Variants in IMMP2L observed in about 807,000 individuals in gnomAD.
The protein encoded by IMMP2L is inner mitochondrial membrane peptidase subunit 2, also known as mitochondrial inner membrane protease subunit 2.
IMMP2L carries 18 observed loss-of-function variants against 19.3 expected under a neutral mutation model. The observed-to-expected ratio is 0.93, with a 90% CI of 0.64 to 1.38. The LOEUF is 1.38. Among genes scored for constraint, IMMP2L ranks in the 40% most tolerant of loss-of-function variants. The pLI, the probability that IMMP2L is intolerant of heterozygous loss-of-function variation, is 0.00. For missense variants in IMMP2L, 233 were observed against 218.2 expected, an observed-to-expected ratio of 1.07 and a Z score of -0.43; for synonymous variants, 76 against 73.0, an observed-to-expected ratio of 1.04 and a Z score of -0.21.
intron 3 of IMMP2L, among the ~76,000 whole-genome samples, chr7:111,453,134 T>C (rs748876070): frequency 6.6e-6 from 1 of 152,190 alleles, no homozygotes; most frequent in Non-Finnish European, 1.5e-5. Flanking sequence ...TAAGTGTCCA[T>C]TGCTACAACT....
intron 5 of IMMP2L, among the ~76,000 whole-genome samples, chr7:110,732,195 G>A (rs1796316221): frequency 1.3e-5 from 2 of 152,100 alleles, no homozygotes; most frequent in South Asian, 4.1e-4. Context: ...GAGCTGAAGA[G>A]GCAACAAGGG....
At chr7:110,752,049 GAA>G (rs1797754743) in intron 5 of IMMP2L, among the ~76,000 whole-genome samples, 1 of 151,862 alleles carries the variant, frequency 6.6e-6, no homozygotes, top group South Asian at 2.1e-4. Context: ...GCACTTTTAG[GAA>G]AAAACCCCTG....
At chr7:110,695,536 T>G (rs956844045) in intron 5 of IMMP2L, among the ~76,000 whole-genome samples, 1 of 152,060 alleles carries the variant, frequency 6.6e-6, no homozygotes, top group Non-Finnish European at 1.5e-5. Context: ...TTATTTGAAT[T>G]TCCCCTCAAT....
At chr7:110,741,392 A>G (rs1444916093) in intron 5 of IMMP2L, among the ~76,000 whole-genome samples, 1 of 152,266 alleles carries the variant, frequency 6.6e-6, no homozygotes, top group Non-Finnish European at 1.5e-5. Context: ...GATTGTAGCA[A>G]GAAGTGGGCC....
At chr7:111,465,576 G>T (rs1840569535) in intron 3 of IMMP2L, among the ~76,000 whole-genome samples, 1 of 149,062 alleles carries the variant, frequency 6.7e-6, no homozygotes, top group Admixed American at 6.7e-5. Context: ...ATGAAAAAAT[G>T]CTCATCATCA....
At chr7:111,082,689 C>G (rs1795983355) in intron 3 of IMMP2L, among the ~76,000 whole-genome samples, 1 of 152,040 alleles carries the variant, frequency 6.6e-6, no homozygotes, top group Admixed American at 6.6e-5. Flanking sequence ...TGGGGAGCAC[C>G]CCCAAAGTCT....
chr7:110,940,804 A>T (rs2129552976), intron 4 of IMMP2L, among the ~76,000 whole-genome samples: 1 of 152,090 alleles, frequency 6.6e-6, no homozygotes, highest in South Asian at 2.1e-4. Context: ...GTGTCATGGG[A>T]AAGAAAAACC....
chr7:111,224,046 T>A (rs1812812773), intron 3 of IMMP2L, among the ~76,000 whole-genome samples: 1 of 152,054 alleles, frequency 6.6e-6, no homozygotes, highest in African/African-American at 2.4e-5. Context: ...ACAGAGCATC[T>A]CAATTCTGTT....
chr7:111,156,561 C>T (rs143799602), intron 3 of IMMP2L, among the ~76,000 whole-genome samples: 187 of 152,112 alleles, frequency 1.2e-3, no homozygotes, highest in Non-Finnish European at 2.1e-3. Context: ...TTTGCTAAGT[C>T]GACATTGACA....
chr7:110,703,844 G>T (rs1350127712), intron 5 of IMMP2L, among the ~76,000 whole-genome samples: 2 of 151,886 alleles, frequency 1.3e-5, no homozygotes, highest in Non-Finnish European at 2.9e-5. Context: ...GCTCTTAAGA[G>T]AATAATTTTT....
At chr7:111,536,601 TC>T (rs1847909361) in intron 1 of IMMP2L, among the ~76,000 whole-genome samples, 1 of 152,086 alleles carries the variant, frequency 6.6e-6, no homozygotes, top group Admixed American at 6.6e-5. Flanking sequence ...GCTACTGTGC[TC>T]CGCCTAAAAT....
rs58497951 is a variant in IMMP2L, at chr7:110,985,764, G to T, written c.240-22199C>A. ...TCAGAAAGTACTTTTTCTCAAAGCCGACAAAGTTGTATTTTATTTGATATC... is the reference window on the plus strand; with the variant it reads ...TCAGAAAGTACTTTTTCTCAAAGCCTACAAAGTTGTATTTTATTTGATATC... On this transcript the variant is annotated intron_variant, in intron 3 of 5. Coordinates refer to ENST00000405709, the MANE Select transcript of IMMP2L (RefSeq NM_032549.4). 7.1e-3 allele frequency among the ~76,000 whole-genome samples: 1,082 copies of T among 151,998 alleles called. 12 individuals are homozygous for T. The highest frequency in any genetic ancestry group is 0.025 in the African/African-American group (1,041 of 41,404).
At chr7:111,358,836 A>C (rs771290630) in intron 3 of IMMP2L, among the ~76,000 whole-genome samples, 1 of 152,142 alleles carries the variant, frequency 6.6e-6, no homozygotes. Context: ...CAAGGGACAG[A>C]AATCAAGATA....
intron 3 of IMMP2L, among the ~76,000 whole-genome samples, chr7:111,135,146 T>C (rs1403175772): frequency 6.6e-6 from 1 of 152,152 alleles, no homozygotes; most frequent in Non-Finnish European, 1.5e-5. Flanking sequence ...AATCCAGTTT[T>C]AGCTTTACTG....
chr7:111,010,753 T>C (rs1191930046), intron 3 of IMMP2L, among the ~76,000 whole-genome samples: 1 of 152,042 alleles, frequency 6.6e-6, no homozygotes, highest in African/African-American at 2.4e-5. Context: ...TAACTGAAGC[T>C]CATGCTAGTG....
chr7:110,807,232 C>T (rs11773353), intron 5 of IMMP2L, among the ~76,000 whole-genome samples: 151,300 of 152,170 alleles, frequency 0.99, 75,221 homozygotes, highest in Middle Eastern at 1. Context: ...CTTCTAGTCC[C>T]TATGGAGTCT....
chr7:111,543,474 T>G (rs1175723722), intron 1 of IMMP2L, among the ~76,000 whole-genome samples: 1 of 152,142 alleles, frequency 6.6e-6, no homozygotes, highest in Admixed American at 6.5e-5. Context: ...GCCTTCTCTG[T>G]AAGCCAGCAA....
intron 5 of IMMP2L, among the ~76,000 whole-genome samples, chr7:110,684,653 T>C (rs914803271): frequency 1.3e-5 from 2 of 151,992 alleles, no homozygotes; most frequent in African/African-American, 4.8e-5. Context: ...GAGTGAGGTG[T>C]GTTAGCCCCT....
At chr7:111,290,008 C>T (rs1377344962) in intron 3 of IMMP2L, among the ~76,000 whole-genome samples, 1 of 152,118 alleles carries the variant, frequency 6.6e-6, no homozygotes, top group South Asian at 2.1e-4. Flanking sequence ...AATTGAGTCT[C>T]ACTCTATTCA....
Sources: allele counts gnomAD v4.1 joint callset (sites outside exome capture counted in the v4.1 genomes callset), GRCh38; gene constraint gnomAD v4.1.1; transcripts MANE v1.5; gene names NCBI Gene and HGNC (gene_info 2026-07-23, HGNC 2026-07-21).